GPR26: variants seen among roughly 807,000 people sequenced by gnomAD.
GPR26 encodes the protein G protein-coupled receptor 26.
Under a neutral mutation model 23.1 loss-of-function variants are expected in GPR26, and 15 were observed. The observed-to-expected ratio is 0.65, with a 90% confidence interval of 0.43 to 1.00. GPR26 has a LOEUF of 1.00. Among genes scored for constraint, GPR26 ranks in the 50% least tolerant of loss-of-function variants. GPR26 has a pLI of 0.00. For missense variants in GPR26, 359 were observed against 470.5 expected, an observed-to-expected ratio of 0.76 and a Z score of 2.19; for synonymous variants, 228 against 222.1, an observed-to-expected ratio of 1.03 and a Z score of -0.24.
In GPR26 at chr10:123,688,189, A is replaced by G. The variant is rs1878166; in HGVS notation, c.*29A>G. On this transcript the variant is annotated 3_prime_UTR_variant, in exon 3 of 3. Coordinates refer to ENST00000284674, the MANE Select transcript of GPR26 (RefSeq NM_153442.4). ...ACCGCGCTCCTGCTGAAGAGTTTAG[A>G]ATGAGGCAGCGGTGAGAAGAAGGGT... 240,131 of 1,290,956 alleles carry G rather than the reference A, an allele frequency of 0.19. 26,985 individuals are homozygous for G. The highest frequency in any genetic ancestry group is 0.42 in the African/African-American group (28,348 of 67,990). The allele number at this position is 1,290,956 out of a possible 1,614,324, so 80.0% of individuals were successfully genotyped here.
At position 123,674,671 on chromosome 10, in the gene GPR26, G is replaced by T; in HGVS notation, c.669-147G>T. The T allele has an allele frequency of 1.7e-6, 1 of 573,900 alleles. No homozygotes were observed. Among genetic ancestry groups the T allele is most frequent in the Non-Finnish European group, 3.1e-6 (1 of 317,532 alleles). 35.6% of individuals were successfully genotyped at this position (573,900 alleles called of 1,614,324 possible). ...TCACACTGCTTGCCCAAGGTCAATA[G>T]CTACAGCCAAGAGTTGACGCTGGGT... is the stretch of plus-strand genomic sequence containing the variant. On this transcript the variant is annotated intron_variant, in intron 1 of 2. Transcript: ENST00000284674. The surrounding 1 kb of genome is among the most constrained non-coding windows in gnomAD (Gnocchi z 4.1).
At position 123,695,219 on chromosome 10, in the gene GPR26, T is replaced by C. The variant is rs887548705; in HGVS notation, c.*7059T>C. 1.3e-5 allele frequency among the ~76,000 whole-genome samples: 2 copies of C among 152,204 alleles called. No homozygotes were observed. The highest frequency in any genetic ancestry group is 2.4e-5 in the African/African-American group (1 of 41,444). ...TGTTCCAGTTCATCACGTATACCCA[T>C]ATTTAAGGACTTTTAAAGTAATTTG... On this transcript the variant is annotated 3_prime_UTR_variant, in exon 3 of 3. Coordinates refer to ENST00000284674, the MANE Select transcript of GPR26 (RefSeq NM_153442.4).
At chr10:123,680,797 T>G (rs1845362054) in intron 2 of GPR26, among the ~76,000 whole-genome samples, 1 of 117,838 alleles carries the variant, frequency 8.5e-6, no homozygotes, top group South Asian at 3.2e-4. Context: ...TAACATTCTC[T>G]TGGGTTTTTT....
Position 123,692,522 on chromosome 10 carries a change from G to A in GPR26, c.*4362G>A, listed in dbSNP as rs182525061. ...ATGACAGTGTCCTAACAGCTGGTGG[G>A]TATGGAGGAAAGACTAGACATCAGG... is the stretch of plus-strand genomic sequence containing the variant. On this transcript the variant is annotated 3_prime_UTR_variant, in exon 3 of 3. Coordinates refer to ENST00000284674, the MANE Select transcript of GPR26 (RefSeq NM_153442.4). 6.6e-6 allele frequency: 1 copy of A among 152,460 alleles called. No individual in the cohort carries two copies. The highest frequency in any genetic ancestry group is 6.5e-5 in the Admixed American group (1 of 15,310). 9.4% of individuals were successfully genotyped at this position (152,460 alleles called of 1,614,324 possible).
chr10:123,666,900 G>T lies in GPR26; in HGVS notation c.493G>T (p.Glu165Ter). The stretch of plus-strand genomic sequence containing the variant: ...CACGCTGTGCAGCCGGCGGCCAGAC[G>T]AGCGCCTGCGCTTCGCCGTCTTCAC... ...SCTLCSRRPD[E>*]RLRFAVFTGA... The change falls in exon 1 of 3, where the codon GAG (glutamate) becomes TAG (stop). Residue 165 changes from glutamate (E) to a stop codon, truncating the protein, a stop_gained. Transcript: ENST00000284674. LOFTEE classifies it high-confidence loss of function. 1 of 1,612,538 alleles carries T rather than the reference G, an allele frequency of 6.2e-7. No homozygotes were observed. Among genetic ancestry groups the T allele is most frequent in the Non-Finnish European group, 8.5e-7 (1 of 1,179,658 alleles).
At chr10:123,677,498 C>T (rs1263692171) in intron 2 of GPR26, among the ~76,000 whole-genome samples, 1 of 152,192 alleles carries the variant, frequency 6.6e-6, no homozygotes, top group East Asian at 1.9e-4. Flanking sequence ...CTAAGAACAC[C>T]TCCTAAAATG....
At chr10:123,675,245 A>C (rs188465662) in intron 2 of GPR26, among the ~76,000 whole-genome samples, 110 of 152,134 alleles carry the variant, frequency 7.2e-4, no homozygotes, top group Non-Finnish European at 1.1e-3. Context: ...AGAGGGTGAG[A>C]GAAGACAGAG....
Position 123,695,069 on chromosome 10 carries a change from T to C in GPR26, c.*6909T>C, listed in dbSNP as rs1361965286. On this transcript the variant is annotated 3_prime_UTR_variant, in exon 3 of 3. Transcript: ENST00000284674. ...TTGGCAAAAGCTGTCCTCATGCTAC[T>C]TGGCAATTCAATCACCCTCCCTTCA... Among the ~76,000 whole-genome samples, 3 of 152,182 alleles carry C rather than the reference T, an allele frequency of 2.0e-5. No homozygotes were observed. The highest frequency in any genetic ancestry group is 4.8e-5 in the African/African-American group (2 of 41,450).
At chr10:123,682,029 C>T (rs1024911151) in intron 2 of GPR26, among the ~76,000 whole-genome samples, 22 of 152,184 alleles carry the variant, frequency 1.4e-4, no homozygotes, top group Non-Finnish European at 2.9e-4. Flanking sequence ...ATAACTCAGC[C>T]TTTAGGCCAT....
chr10:123,670,729 C>T (rs1257511826), intron 1 of GPR26, among the ~76,000 whole-genome samples: 1 of 152,200 alleles, frequency 6.6e-6, no homozygotes, highest in Non-Finnish European at 1.5e-5. Flanking sequence ...ACAAACACCA[C>T]CCCTCAGGCG....
At chr10:123,680,059 G>A (rs1301631902) in intron 2 of GPR26, among the ~76,000 whole-genome samples, 1 of 152,220 alleles carries the variant, frequency 6.6e-6, no homozygotes, top group Non-Finnish European at 1.5e-5. Context: ...ACAGCAGCCC[G>A]AGCTGCATCC....
intron 2 of GPR26, among the ~76,000 whole-genome samples, chr10:123,681,138 G>A (rs1478578937): frequency 3.9e-5 from 6 of 152,128 alleles, no homozygotes; most frequent in Admixed American, 6.5e-5. Context: ...CATGCCTGGC[G>A]CTAACATTCC....
intron 1 of GPR26, among the ~76,000 whole-genome samples, chr10:123,672,315 T>C (rs1368710803): frequency 6.6e-6 from 1 of 152,194 alleles, no homozygotes; most frequent in African/African-American, 2.4e-5. Context: ...CCTTTCATAC[T>C]ATACATGGCT....
intron 1 of GPR26, among the ~76,000 whole-genome samples, chr10:123,672,698 G>T (rs1035843570): frequency 1.3e-5 from 2 of 152,212 alleles, no homozygotes; most frequent in African/African-American, 4.8e-5. Context: ...CTGGGTTCAG[G>T]TCCTGCCATC....
In GPR26 at chr10:123,692,569, C is replaced by T. The variant is rs1356232; in HGVS notation, c.*4409C>T. On this transcript the variant is annotated 3_prime_UTR_variant, in exon 3 of 3. Transcript: ENST00000284674. ...CAGGCTATGGACTCACATGGAGGGC[C>T]CTGGTGTTGGCTCTGGGACCTGGGC... 0.14 allele frequency: 21,760 copies of T among 152,376 alleles called. 1,906 individuals are homozygous for T. Among genetic ancestry groups the T allele is most frequent in the East Asian group, 0.22 (1,127 of 5,164 alleles). 9.4% of individuals were successfully genotyped at this position (152,376 alleles called of 1,614,324 possible).
chr10:123,697,041 G>C lies in GPR26; in HGVS notation c.*8881G>C, dbSNP rs960797815. Reference sequence around the variant, plus strand: ...AACACAAACAGCTACACTCGGAGTAGAAAACAAATGAAGCAAAAGTTTAGC... The same window carrying C: ...AACACAAACAGCTACACTCGGAGTACAAAACAAATGAAGCAAAAGTTTAGC... On this transcript the variant is annotated 3_prime_UTR_variant, in exon 3 of 3. Transcript: ENST00000284674. Among the ~76,000 whole-genome samples, 1 of 152,246 alleles carries C rather than the reference G, an allele frequency of 6.6e-6. No homozygotes were observed. The highest frequency in any genetic ancestry group is 1.5e-5 in the Non-Finnish European group (1 of 68,048).
rs1313012042 is a variant in GPR26, at chr10:123,691,638, C to G, written c.*3478C>G. 1 of 152,118 alleles carries G rather than the reference C, an allele frequency of 6.6e-6. No individual in the cohort carries two copies. Among genetic ancestry groups the G allele is most frequent in the Non-Finnish European group, 1.5e-5 (1 of 68,020 alleles). The allele number at this position is 152,118 out of a possible 1,614,324, so 9.4% of individuals were successfully genotyped here. Reference sequence around the variant, plus strand: ...GATATTATATCAGGTGCCAGGAATCCCTTGGGTCAGCTCCTATCCTCTGGA... The same window carrying G: ...GATATTATATCAGGTGCCAGGAATCGCTTGGGTCAGCTCCTATCCTCTGGA... On this transcript the variant is annotated 3_prime_UTR_variant, in exon 3 of 3. Transcript: ENST00000284674.
At position 123,696,958 on chromosome 10, in the gene GPR26, T is replaced by C. The variant is rs1208268033; in HGVS notation, c.*8798T>C. Among the ~76,000 whole-genome samples, 1 of 152,132 alleles carries C rather than the reference T, an allele frequency of 6.6e-6. No homozygotes were observed. Among genetic ancestry groups the C allele is most frequent in the Non-Finnish European group, 1.5e-5 (1 of 68,028 alleles). ...ATATGTTTGTGTGCCCGTGATTATATGCATATGGGTGAATGTTTGTGTGCC... is the reference window on the plus strand; with the variant it reads ...ATATGTTTGTGTGCCCGTGATTATACGCATATGGGTGAATGTTTGTGTGCC... On this transcript the variant is annotated 3_prime_UTR_variant, in exon 3 of 3. Transcript: ENST00000284674.
Position 123,667,006 on chromosome 10 carries a change from G to A in GPR26, c.599G>A (p.Arg200His), listed in dbSNP as rs1243393383. 6.2e-6 allele frequency: 10 copies of A among 1,611,698 alleles called. No individual in the cohort carries two copies. Among genetic ancestry groups the A allele is most frequent in the African/African-American group, 2.7e-5 (2 of 74,878 alleles). The change falls in exon 1 of 3, where the codon CGC becomes CAC. Residue 200 changes from arginine to histidine, a missense_variant. Transcript: ENST00000284674. The stretch of plus-strand genomic sequence containing the variant: ...TACCTCAAGGTGCTCAAGGTGGCCC[G>A]CTTCCATTGCAAGCGCATCGACGTG... ...CTYLKVLKVA[R>H]FHCKRIDVIT...
Sources: allele counts gnomAD v4.1 joint callset (sites outside exome capture counted in the v4.1 genomes callset), GRCh38; gene constraint gnomAD v4.1.1; non-coding constraint Gnocchi (gnomAD v3.1); transcripts MANE v1.5; gene names NCBI Gene and HGNC (gene_info 2026-07-23, HGNC 2026-07-21).